The following MYT1L variants were observed in gnomAD, a reference collection of about 807,000 sequenced individuals.
MYT1L encodes myelin transcription factor 1 like, also known as myelin transcription factor 1-like protein.
Under a neutral mutation model 126.7 loss-of-function variants are expected in MYT1L, and 12 were observed. The ratio of observed to expected loss-of-function variants is 0.09; its 90% CI spans 0.06 to 0.15. The LOEUF (loss-of-function observed/expected upper bound fraction) is 0.15, where lower values mean the gene tolerates loss of function less well. MYT1L is among the 10% of genes least tolerant of loss of function. The pLI is 1.00. For missense variants in MYT1L, 979 were observed against 1,585.2 expected (o/e 0.62, Z 6.49); for synonymous variants, 541 against 604.2 (o/e 0.90, Z 1.53).
rs968561488 is a variant in MYT1L, at chr2:1,884,492, T to G, written c.2711+2047A>C. On this transcript the variant is annotated intron_variant, in intron 18 of 24. Coordinates refer to ENST00000647738, the MANE Select transcript of MYT1L (RefSeq NM_001303052.2). Reference sequence around the variant, plus strand: ...AGTAACAGATAAAAGGGGTCACCAATTACAAGGTTAAAGCAAAGAAATTAT... The same window carrying G: ...AGTAACAGATAAAAGGGGTCACCAAGTACAAGGTTAAAGCAAAGAAATTAT... Among the ~76,000 whole-genome samples the G allele has an allele frequency of 7.2e-5, 11 of 152,202 alleles. No individual in the cohort carries two copies. In the South Asian group the frequency reaches 2.1e-3, roughly 29 times the overall value.
intron 2 of MYT1L, among the ~76,000 whole-genome samples, chr2:2,214,800 G>A (rs2093632328): frequency 6.6e-6 from 1 of 152,116 alleles, no homozygotes; most frequent in African/African-American, 2.4e-5. Context: ...GGTAGTAACT[G>A]TATGGATAAA....
In MYT1L at chr2:2,284,408, C is replaced by T. The variant is rs1039519255; in HGVS notation, c.-425G>A. On this transcript the variant is annotated 5_prime_UTR_variant, in exon 2 of 25. In the 5' UTR this introduces an upstream ATG that the reference lacks. Coordinates refer to ENST00000647738, the MANE Select transcript of MYT1L (RefSeq NM_001303052.2). ...GTCCCATTGCAATTCACATACCACA[C>T]GCTGTGATCCCTCAAATGTCAACGT... 3.9e-5 allele frequency: 6 copies of T among 152,292 alleles called. No homozygotes were observed. The highest frequency in any genetic ancestry group is 7.3e-5 in the Non-Finnish European group (5 of 68,074). The allele number at this position is 152,292 out of a possible 1,614,324, so 9.4% of individuals were successfully genotyped here. A position where few individuals can be genotyped will look rare whatever the true frequency, so the allele number is the denominator to read the frequency against.
At chr2:2,214,227 A>G (rs1177937392) in intron 2 of MYT1L, among the ~76,000 whole-genome samples, 1 of 151,890 alleles carries the variant, frequency 6.6e-6, no homozygotes, top group Non-Finnish European at 1.5e-5. Flanking sequence ...TAATCAGAAT[A>G]ACCTAAAAAA....
intron 8 of MYT1L, among the ~76,000 whole-genome samples, chr2:1,957,645 C>A (rs528586152): frequency 6.6e-6 from 1 of 152,156 alleles, no homozygotes. Flanking sequence ...ATCTATCTAT[C>A]GTTATCATCT....
intron 18 of MYT1L, among the ~76,000 whole-genome samples, chr2:1,885,806 C>A (rs566282835): frequency 3.7e-4 from 57 of 152,302 alleles, no homozygotes; most frequent in African/African-American, 1.2e-3. Context: ...GTATGCTCTC[C>A]CCGGATTGCG....
intron 2 of MYT1L, among the ~76,000 whole-genome samples, chr2:2,263,385 C>T (rs1198623886): frequency 2.6e-5 from 4 of 152,210 alleles, no homozygotes; most frequent in South Asian, 4.1e-4. Context: ...AAAACCCGGT[C>T]GCAGAATGTA....
intron 3 of MYT1L, among the ~76,000 whole-genome samples, chr2:2,132,225 G>A (rs2082463056): frequency 6.6e-6 from 1 of 151,938 alleles, no homozygotes; most frequent in African/African-American, 2.4e-5. Flanking sequence ...ATCATTTTGG[G>A]CAGAGCTTGA....
chr2:2,061,071 T>C (rs781757311), intron 3 of MYT1L, among the ~76,000 whole-genome samples: 2 of 152,190 alleles, frequency 1.3e-5, no homozygotes, highest in Non-Finnish European at 2.9e-5. Context: ...TGATCTGCAA[T>C]GGGAAGGTTT....
At chr2:1,989,815 G>A (rs1380229861) in intron 5 of MYT1L, among the ~76,000 whole-genome samples, 1 of 152,106 alleles carries the variant, frequency 6.6e-6, no homozygotes, top group Non-Finnish European at 1.5e-5. Flanking sequence ...TGGCTAACAT[G>A]GTGAAAACCC....
At chr2:2,180,779 C>A (rs1316169702) in intron 2 of MYT1L, among the ~76,000 whole-genome samples, 1 of 139,778 alleles carries the variant, frequency 7.2e-6, no homozygotes, top group Non-Finnish European at 1.5e-5. Flanking sequence ...TGTATTTGTA[C>A]CTGTGTGTGC....
chr2:1,945,900 A>G (rs2057168665), intron 8 of MYT1L, among the ~76,000 whole-genome samples: 1 of 152,192 alleles, frequency 6.6e-6, no homozygotes, highest in African/African-American at 2.4e-5. Context: ...CAATTGCACT[A>G]GCGAAAGGGA....
At chr2:1,899,311 C>T in intron 14 of MYT1L, among the ~76,000 whole-genome samples, 1 of 152,282 alleles carries the variant, frequency 6.6e-6, no homozygotes, top group East Asian at 1.9e-4. Flanking sequence ...GCACCCTATG[C>T]ATGGCATGGA....
chr2:2,143,904 G>A (rs1466042201), intron 3 of MYT1L, among the ~76,000 whole-genome samples: 1 of 140,226 alleles, frequency 7.1e-6, no homozygotes, highest in African/African-American at 2.6e-5. Context: ...AAGTGGGAAT[G>A]AAACACCGGA....
At chr2:2,075,686 A>G (rs1315749255) in intron 3 of MYT1L, among the ~76,000 whole-genome samples, 1 of 152,252 alleles carries the variant, frequency 6.6e-6, no homozygotes, top group Non-Finnish European at 1.5e-5. Context: ...TATATTATGA[A>G]TTACATTGTT....
chr2:2,102,337 T>C (rs2078201144), intron 3 of MYT1L, among the ~76,000 whole-genome samples: 1 of 152,216 alleles, frequency 6.6e-6, no homozygotes, highest in African/African-American at 2.4e-5. Flanking sequence ...TAATGGAACA[T>C]AGGTAAATTT....
At chr2:1,869,927 A>G (rs2046066524) in intron 18 of MYT1L, among the ~76,000 whole-genome samples, 1 of 152,218 alleles carries the variant, frequency 6.6e-6, no homozygotes, top group South Asian at 2.1e-4. Context: ...TAGTCACCTA[A>G]TAAGTGCTTT....
intron 4 of MYT1L, among the ~76,000 whole-genome samples, chr2:2,030,845 G>C (rs1169456962): frequency 6.6e-6 from 1 of 152,140 alleles, no homozygotes; most frequent in Non-Finnish European, 1.5e-5. Flanking sequence ...CTTCTAACTA[G>C]AATGACTGTA....
At chr2:2,227,478 G>A (rs959205803) in intron 2 of MYT1L, among the ~76,000 whole-genome samples, 1 of 152,078 alleles carries the variant, frequency 6.6e-6, no homozygotes, top group Admixed American at 6.6e-5. Flanking sequence ...GTGCATCGAG[G>A]GACCACAGGA....
intron 3 of MYT1L, among the ~76,000 whole-genome samples, chr2:2,107,792 G>T (rs562499022): frequency 9.9e-5 from 15 of 152,262 alleles, no homozygotes; most frequent in South Asian, 8.3e-4. Flanking sequence ...AATGAGAGAG[G>T]ACAGGAAGTT....
Sources: gnomAD v4.1 joint callset for allele counts (sites outside exome capture counted in the v4.1 genomes callset) on GRCh38, gnomAD v4.1.1 for gene constraint, MANE v1.5 for transcripts, NCBI Gene and HGNC (gene_info 2026-07-23, HGNC 2026-07-21) for gene names.